Variants in TENM3 observed in about 807,000 individuals in gnomAD.
TENM3 encodes the protein teneurin transmembrane protein 3, also known as teneurin-3.
A neutral mutation model predicts 255.1 loss-of-function variants in TENM3; 63 were observed. That is an observed-to-expected ratio of 0.25 (90% CI 0.20 to 0.30). TENM3 has a LOEUF of 0.30. Among genes scored for constraint, TENM3 ranks in the 10% least tolerant of loss-of-function variants. The probability of loss-of-function intolerance (pLI) is 1.00; values close to 1 mark genes in which losing one functional copy is unlikely to be tolerated. For synonymous variants in TENM3, 1,306 were observed against 1,322.3 expected, an observed-to-expected ratio of 0.99 and a Z score of 0.27; for missense variants, 2,929 against 3,461.1, an observed-to-expected ratio of 0.85 and a Z score of 3.86.
the TENM3 span, among the ~76,000 whole-genome samples, chr4:181,693,575 A>G: frequency 6.6e-6 from 1 of 152,154 alleles, no homozygotes; most frequent in African/African-American, 2.4e-5. Context: ...TTTTGCTCTC[A>G]GCGGGAGAAA....
chr4:181,866,187 A>C, the TENM3 span, among the ~76,000 whole-genome samples: 10 of 152,316 alleles, frequency 6.6e-5, no homozygotes, highest in South Asian at 2.1e-3. Context: ...ATTATTCTCC[A>C]TAAATTAACG....
At chr4:181,502,483 G>T in the TENM3 span, among the ~76,000 whole-genome samples, 1 of 152,172 alleles carries the variant, frequency 6.6e-6, no homozygotes, top group Non-Finnish European at 1.5e-5. Flanking sequence ...AGGGAAACAG[G>T]TATTCAGGTT....
chr4:182,416,970 T>TTTG (rs956894633), intron 3 of TENM3, among the ~76,000 whole-genome samples: 1 of 152,082 alleles, frequency 6.6e-6, no homozygotes, highest in Non-Finnish European at 1.5e-5. Flanking sequence ...TTACATTTTC[T>TTTG]TTGTTGTTGT....
the TENM3 span, among the ~76,000 whole-genome samples, chr4:181,628,389 T>C: frequency 6.6e-5 from 10 of 152,268 alleles, no homozygotes; most frequent in Admixed American, 2.0e-4. Flanking sequence ...TTTGGTGTTT[T>C]AGACATGAAG....
chr4:181,994,554 G>GTTTT, the TENM3 span, among the ~76,000 whole-genome samples: 7 of 128,386 alleles, frequency 5.5e-5, no homozygotes, highest in African/African-American at 1.5e-4. Flanking sequence ...TTTTTTGTGG[G>GTTTT]TTTTTTTTTT....
chr4:182,480,916 C>T (rs540901305), intron 3 of TENM3, among the ~76,000 whole-genome samples: 2 of 152,142 alleles, frequency 1.3e-5, no homozygotes, highest in South Asian at 2.1e-4. Flanking sequence ...TTGAGATATA[C>T]GGAGTCATTT....
At chr4:181,966,262 GCT>G in the TENM3 span, among the ~76,000 whole-genome samples, 3 of 152,258 alleles carry the variant, frequency 2.0e-5, no homozygotes, top group South Asian at 4.1e-4. Context: ...AGCAAAATGG[GCT>G]CTGTGTCATT....
intron 2 of TENM3, among the ~76,000 whole-genome samples, chr4:182,337,739 A>G (rs1310131197): frequency 6.6e-6 from 1 of 152,234 alleles, no homozygotes; most frequent in Non-Finnish European, 1.5e-5. Context: ...ATAGGCCCAT[A>G]TTGGAATCAC....
the TENM3 span, among the ~76,000 whole-genome samples, chr4:181,934,773 A>T: frequency 6.6e-5 from 10 of 152,318 alleles, no homozygotes; most frequent in Admixed American, 2.0e-4. Flanking sequence ...GTTTTCAAAA[A>T]TTATTAAGAT....
chr4:182,164,817 G>A (rs1278120473), intron 1 of TENM3, among the ~76,000 whole-genome samples: 6 of 152,110 alleles, frequency 3.9e-5, no homozygotes, highest in African/African-American at 1.4e-4. Context: ...ACTTCAGACC[G>A]CTAGTTCCAG....
At chr4:181,564,945 G>A in the TENM3 span, among the ~76,000 whole-genome samples, 7,307 of 152,150 alleles carry the variant, frequency 0.048, 402 homozygotes, top group African/African-American at 0.14. Context: ...GAAGGAGCCA[G>A]CATGGAATTC....
chr4:181,918,643 T>G, the TENM3 span, among the ~76,000 whole-genome samples: 2 of 152,162 alleles, frequency 1.3e-5, no homozygotes, highest in African/African-American at 4.8e-5. Context: ...TTAATGTGTT[T>G]ATAGGTTTTC....
At chr4:182,679,990 G>A in intron 8 of TENM3, 114 bp downstream of exon 8, 1 of 915,868 alleles carries the variant, frequency 1.1e-6, no homozygotes, top group South Asian at 1.7e-5. Context: ...TAAAGCCCAG[G>A]TAAAATGTGA....
the TENM3 span, among the ~76,000 whole-genome samples, chr4:182,110,617 C>A: frequency 3.9e-5 from 6 of 152,086 alleles, no homozygotes; most frequent in African/African-American, 1.4e-4. Flanking sequence ...TGTGCCACTG[C>A]GCTGGACCAG....
chr4:181,888,529 T>C, the TENM3 span, among the ~76,000 whole-genome samples: 7 of 81,748 alleles, frequency 8.6e-5, 1 homozygote, highest in East Asian at 2.5e-4. Context: ...TATATATACA[T>C]ATATGTGTAT....
At chr4:182,490,953 T>G (rs1376048876) in intron 3 of TENM3, among the ~76,000 whole-genome samples, 2 of 152,208 alleles carry the variant, frequency 1.3e-5, no homozygotes, top group Non-Finnish European at 2.9e-5. Context: ...GGAACATTTT[T>G]GAGAATAAAA....
chr4:182,257,003 G>T (rs951093061), intron 1 of TENM3, among the ~76,000 whole-genome samples: 1 of 152,032 alleles, frequency 6.6e-6, no homozygotes, highest in African/African-American at 2.4e-5. Flanking sequence ...TCAAAAAAAA[G>T]GTAGTGAATA....
the TENM3 span, among the ~76,000 whole-genome samples, chr4:181,690,472 A>G: frequency 6.6e-6 from 1 of 152,176 alleles, no homozygotes; most frequent in East Asian, 1.9e-4. Flanking sequence ...GTAGGCAAGG[A>G]TTTTTTTAAT....
At chr4:182,721,386 A>G (rs1759719398) in intron 13 of TENM3, among the ~76,000 whole-genome samples, 2 of 152,090 alleles carry the variant, frequency 1.3e-5, no homozygotes, top group African/African-American at 4.8e-5. Flanking sequence ...TATCTTAGAG[A>G]TTTTTTTCAT....
Sources: allele counts gnomAD v4.1 joint callset (sites outside exome capture counted in the v4.1 genomes callset), GRCh38; gene constraint gnomAD v4.1.1; transcripts MANE v1.5; gene names NCBI Gene and HGNC (gene_info 2026-07-23, HGNC 2026-07-21).